SUMF1: variants seen among roughly 807,000 people sequenced by gnomAD.
SUMF1 encodes sulfatase modifying factor 1, also known as formylglycine-generating enzyme.
Under a neutral mutation model 47.6 loss-of-function variants are expected in SUMF1, and 48 were observed. The ratio of observed to expected loss-of-function variants is 1.01; its 90% confidence interval spans 0.80 to 1.28. The LOEUF (loss-of-function observed/expected upper bound fraction) is 1.28, where lower values mean the gene tolerates loss of function less well. Among genes scored for constraint, SUMF1 ranks in the 50% most tolerant of loss-of-function variants. SUMF1 has a pLI of 0.00. For synonymous variants in SUMF1, 230 were observed against 192.1 expected (o/e 1.20, Z -1.63); for missense variants, 571 against 485.4 (o/e 1.18, Z -1.66).
intron 8 of SUMF1, among the ~76,000 whole-genome samples, chr3:4,369,050 T>G (rs886366301): frequency 1.2e-4 from 7 of 57,498 alleles, no homozygotes; most frequent in Non-Finnish European, 2.0e-4. Context: ...GCAAAAGGTT[T>G]TTTTTTTTTT....
intron 8 of SUMF1, among the ~76,000 whole-genome samples, chr3:4,074,189 T>C (rs1692358215): frequency 6.6e-6 from 1 of 152,102 alleles, no homozygotes. Flanking sequence ...AGAAACTCAC[T>C]CAAAACTGCA....
chr3:4,063,475 T>C (rs2125028793), intron 9 of SUMF1, among the ~76,000 whole-genome samples: 1 of 152,198 alleles, frequency 6.6e-6, no homozygotes, highest in East Asian at 1.9e-4. Context: ...ATGTATGTTA[T>C]ATATATATTT....
chr3:4,151,535 GTA>G lies in SUMF1; in HGVS notation c.1015-82792_1015-82791del, dbSNP rs1206964343. Among the ~76,000 whole-genome samples the G allele has an allele frequency of 3.1e-4, 39 of 125,612 alleles. 3 individuals carry two copies. Among genetic ancestry groups the G allele is most frequent in the African/African-American group, 7.9e-4 (26 of 32,846 alleles). 82.4% of individuals were successfully genotyped at this position (125,612 alleles called of 152,430 possible). A position where few individuals can be genotyped will look rare whatever the true frequency, so the allele number is the denominator to read the frequency against. ...TGTATACGTATATATGTATATATGT[GTA>G]TATATATGTGTGTGTATATACACAC... On this transcript the variant is annotated intron_variant and NMD_transcript_variant, in intron 8 of 12. Transcript: ENST00000448413.
At chr3:4,121,038 G>A (rs1256716077) in intron 8 of SUMF1, among the ~76,000 whole-genome samples, 5 of 152,064 alleles carry the variant, frequency 3.3e-5, no homozygotes, top group Admixed American at 1.3e-4. Context: ...TTACTTTACC[G>A]GATGGAAAAA....
intron 8 of SUMF1, among the ~76,000 whole-genome samples, chr3:4,261,304 T>C (rs1697080319): frequency 6.6e-6 from 1 of 152,066 alleles, no homozygotes; most frequent in Non-Finnish European, 1.5e-5. Flanking sequence ...ACAGTAACAT[T>C]TGGTTTAGGA....
chr3:4,043,406 C>G (rs1694945078), intron 9 of SUMF1, among the ~76,000 whole-genome samples: 1 of 152,120 alleles, frequency 6.6e-6, no homozygotes, highest in Non-Finnish European at 1.5e-5. Flanking sequence ...GCTGAGAAAA[C>G]TAAGAAACTC....
At chr3:4,167,654 C>T (rs1694739451) in intron 8 of SUMF1, among the ~76,000 whole-genome samples, 2 of 152,156 alleles carry the variant, frequency 1.3e-5, no homozygotes, top group South Asian at 2.1e-4. Context: ...AGTCCCCACT[C>T]GACCCAGGAA....
intron 7 of SUMF1, among the ~76,000 whole-genome samples, chr3:4,398,393 T>G (rs956863680): frequency 2.6e-5 from 4 of 152,138 alleles, no homozygotes; most frequent in African/African-American, 9.7e-5. Flanking sequence ...CATCCACACA[T>G]CCACATGAAA....
At chr3:4,267,993 CCAA>C (rs35773607) in intron 8 of SUMF1, among the ~76,000 whole-genome samples, 54,651 of 150,436 alleles carry the variant, frequency 0.36, 10,512 homozygotes, top group Non-Finnish European at 0.44. Flanking sequence ...ACCCAAATGT[CCAA>C]CAATGATAGA....
rs923898799 is a variant in SUMF1 at position 4,126,646 on chromosome 3, C to T, written c.1015-57901G>A. On this transcript the variant is annotated intron_variant and NMD_transcript_variant, in intron 8 of 12. Coordinates refer to the SUMF1 transcript ENST00000448413. ...CCCCAAAACAAGGGTATGAATACAACCACTTTTCAGGAAGAACTAAAACTG... is the reference window on the plus strand; with the variant it reads ...CCCCAAAACAAGGGTATGAATACAATCACTTTTCAGGAAGAACTAAAACTG... Among the ~76,000 whole-genome samples, 66 of 152,166 alleles carry T rather than the reference C, an allele frequency of 4.3e-4. 1 individual carries two copies. Among genetic ancestry groups the T allele is most frequent in the African/African-American group, 1.4e-3 (58 of 41,514 alleles).
chr3:4,199,784 T>C lies in SUMF1; in HGVS notation c.1015-131039A>G, dbSNP rs73806931. 4.1e-3 allele frequency among the ~76,000 whole-genome samples: 628 copies of C among 152,280 alleles called. 6 individuals are homozygous for C. The highest frequency in any genetic ancestry group is 0.014 in the African/African-American group (597 of 41,566). On this transcript the variant is annotated intron_variant and NMD_transcript_variant, in intron 8 of 12. Transcript: ENST00000448413. Reference sequence around the variant, plus strand: ...TTTATTGATCTTTTCTGGTGAAGTGTCTAGTCAAGTTTTTGCCTATTTTTT... The same window carrying C: ...TTTATTGATCTTTTCTGGTGAAGTGCCTAGTCAAGTTTTTGCCTATTTTTT...
At chr3:4,126,730 A>G (rs1304837846) in intron 8 of SUMF1, among the ~76,000 whole-genome samples, 1 of 152,188 alleles carries the variant, frequency 6.6e-6, no homozygotes, top group African/African-American at 2.4e-5. Context: ...TGATAAACCT[A>G]TAATATAAGG....
intron 9 of SUMF1, among the ~76,000 whole-genome samples, chr3:4,051,238 A>C (rs9877622): frequency 0.051 from 7,752 of 152,188 alleles, 675 homozygotes; most frequent in African/African-American, 0.18. Context: ...AATAGGCTAT[A>C]CAAGTTACCA....
chr3:4,437,268 A>G (rs1024446179), intron 3 of SUMF1, among the ~76,000 whole-genome samples: 1 of 152,238 alleles, frequency 6.6e-6, no homozygotes, highest in East Asian at 1.9e-4. Flanking sequence ...AAGTTGGATA[A>G]CGATGACTAG....
chr3:4,111,722 A>C (rs1187785225), intron 8 of SUMF1, among the ~76,000 whole-genome samples: 1 of 152,058 alleles, frequency 6.6e-6, no homozygotes, highest in Admixed American at 6.5e-5. Flanking sequence ...CTGGCGACAG[A>C]GCTAGACACC....
intron 8 of SUMF1, chr3:4,303,635 T>C: frequency 7.0e-7 from 1 of 1,419,286 alleles, no homozygotes; most frequent in Non-Finnish European, 9.2e-7. Flanking sequence ...TTGTCTTCTC[T>C]TACAGCGCAC....
rs200069525 is a variant in SUMF1, at chr3:4,417,162, T to C, written c.806A>G (p.Asn269Ser). ...NIWQGEFPVT[N>S]TGEDGFQGTA... ...TCCTTGGAAGCCATCCTCACCAGTG[T>C]TGGTCACCGGAAACTCGCCCTGCCA... Residue 269 changes from asparagine (N) to serine (S), a missense_variant, in exon 6 of 9, where the codon AAC becomes AGC. Asn to Ser is a conservative substitution (Grantham distance 46). Transcript: ENST00000272902. The C allele has an allele frequency of 1.2e-6, 2 of 1,613,962 alleles. No individual in the cohort carries two copies. Among genetic ancestry groups the C allele is most frequent in the Admixed American group, 1.7e-5 (1 of 60,006 alleles).
chr3:4,214,201 C>G (rs1369006509), intron 8 of SUMF1, among the ~76,000 whole-genome samples: 2 of 152,120 alleles, frequency 1.3e-5, no homozygotes, highest in African/African-American at 4.8e-5. Context: ...GAAATCATAA[C>G]AAACAGTCTC....
intron 8 of SUMF1, among the ~76,000 whole-genome samples, chr3:4,290,830 C>G (rs999888341): frequency 6.6e-6 from 1 of 152,070 alleles, no homozygotes; most frequent in Non-Finnish European, 1.5e-5. Flanking sequence ...TCATCAATAG[C>G]TTAACATTCA....
Sources: gnomAD v4.1 joint callset for allele counts (sites outside exome capture counted in the v4.1 genomes callset) on GRCh38, gnomAD v4.1.1 for gene constraint, MANE v1.5 for transcripts, NCBI Gene and HGNC (gene_info 2026-07-23, HGNC 2026-07-21) for gene names.